The following PELI2 variants were observed in gnomAD, a reference collection of about 807,000 sequenced individuals.
PELI2 encodes E3 ubiquitin-protein ligase pellino homolog 2.
Under a neutral mutation model 42.3 loss-of-function variants are expected in PELI2, and 23 were observed. The observed-to-expected ratio is 0.54, with a 90% confidence interval of 0.39 to 0.77. The LOEUF is 0.77. PELI2 is among the 30% of genes least tolerant of loss of function. The pLI is 0.00. For missense variants in PELI2, 463 were observed against 553.2 expected, an observed-to-expected ratio of 0.84 and a Z score of 1.64; for synonymous variants, 245 against 212.2, an observed-to-expected ratio of 1.15 and a Z score of -1.34.
At chr14:56,203,306 C>T (rs1886401941) in intron 2 of PELI2, among the ~76,000 whole-genome samples, 1 of 152,174 alleles carries the variant, frequency 6.6e-6, no homozygotes, top group Admixed American at 6.5e-5. Context: ...CACCACCTCA[C>T]TCCAGCCTGG....
At chr14:56,152,208 T>A (rs915435550) in intron 1 of PELI2, among the ~76,000 whole-genome samples, 1 of 152,214 alleles carries the variant, frequency 6.6e-6, no homozygotes, top group Non-Finnish European at 1.5e-5. Context: ...TTCCTTCAGA[T>A]GGACAGGTTA....
intron 2 of PELI2, among the ~76,000 whole-genome samples, chr14:56,230,750 A>G (rs148791439): frequency 1.5e-3 from 233 of 152,358 alleles, no homozygotes; most frequent in Middle Eastern, 6.8e-3. Context: ...ACACGTAACA[A>G]TATTAATGTT....
rs1889724254 is a variant in PELI2 at position 56,288,717 on chromosome 14, T to A, written c.507+83T>A. ...AACATTTAATTGGAGCAAAAAAAAA[T>A]TGGCTTTGTATGTTGCCTCTAGTGA... On this transcript the variant is annotated intron_variant, in intron 4 of 5. Transcript: ENST00000267460. The surrounding 1 kb of genome is among the most constrained non-coding windows in gnomAD (Gnocchi z 4.6). 5.7e-5 allele frequency: 48 copies of A among 848,598 alleles called. No homozygotes were observed. Among genetic ancestry groups the A allele is most frequent in the Non-Finnish European group, 7.7e-5 (42 of 547,738 alleles). The allele number at this position is 848,598 out of a possible 1,614,324, so 52.6% of individuals were successfully genotyped here.
chr14:56,121,625 T>A (rs1883061974), intron 1 of PELI2, among the ~76,000 whole-genome samples: 1 of 152,218 alleles, frequency 6.6e-6, no homozygotes, highest in African/African-American at 2.4e-5. Flanking sequence ...GGCTCAGGAT[T>A]TGAGAGGCAG....
Position 56,223,821 on chromosome 14 carries a change from C to CT in PELI2, c.207+45358dup, listed in dbSNP as rs201769500. Among the ~76,000 whole-genome samples, 26 of 152,288 alleles carry CT rather than the reference C, an allele frequency of 1.7e-4. No homozygotes were observed. In the East Asian group the frequency reaches 5.0e-3, roughly 29 times the overall value. On this transcript the variant is annotated intron_variant, in intron 2 of 5. Coordinates refer to ENST00000267460, the MANE Select transcript of PELI2 (RefSeq NM_021255.3). ...TTTTCTAATTTAGGCATCATTCACT[C>CT]TAATTTCATAAGATTTGAATGCAGT...
intron 1 of PELI2, among the ~76,000 whole-genome samples, chr14:56,152,539 C>T (rs1345762534): frequency 6.6e-6 from 1 of 152,104 alleles, no homozygotes; most frequent in African/African-American, 2.4e-5. Flanking sequence ...TGGCCACCAA[C>T]TTACTATAAT....
At position 56,235,638 on chromosome 14, in the gene PELI2, A is replaced by G. The variant is rs183450212; in HGVS notation, c.208-44038A>G. On this transcript the variant is annotated intron_variant, in intron 2 of 5. Coordinates refer to ENST00000267460, the MANE Select transcript of PELI2 (RefSeq NM_021255.3). ...AGTCCAAGCCTGGCCATCCAGGGAT[A>G]TAGTGGTACAAGCAATACTTGTTTG... 1.7e-3 allele frequency among the ~76,000 whole-genome samples: 255 copies of G among 152,372 alleles called. 1 individual carries two copies. The highest frequency in any genetic ancestry group is 6.0e-3 in the African/African-American group (251 of 41,594).
chr14:56,284,246 A>C (rs1011038048), intron 3 of PELI2, among the ~76,000 whole-genome samples: 3 of 152,242 alleles, frequency 2.0e-5, no homozygotes, highest in Non-Finnish European at 2.9e-5. Context: ...ATATAATCAG[A>C]GTAAGATCTT....
intron 2 of PELI2, among the ~76,000 whole-genome samples, chr14:56,260,890 A>G: frequency 6.6e-6 from 1 of 152,156 alleles, no homozygotes; most frequent in East Asian, 1.9e-4. Context: ...GGGAGAGTAA[A>G]GAGATTTGAA....
At chr14:56,212,679 G>A (rs750005153) in intron 2 of PELI2, among the ~76,000 whole-genome samples, 17 of 152,214 alleles carry the variant, frequency 1.1e-4, no homozygotes, top group Non-Finnish European at 1.9e-4. Flanking sequence ...TGCCAAGCTC[G>A]TGTAGCAAGT....
chr14:56,173,852 T>C (rs1372135645), intron 1 of PELI2, among the ~76,000 whole-genome samples: 1 of 152,190 alleles, frequency 6.6e-6, no homozygotes, highest in East Asian at 1.9e-4. Flanking sequence ...TGGGCTTAAT[T>C]ACATCTGCAA....
intron 2 of PELI2, among the ~76,000 whole-genome samples, chr14:56,269,658 A>G (rs553155196): frequency 1.3e-5 from 2 of 152,334 alleles, no homozygotes; most frequent in Non-Finnish European, 2.9e-5. Context: ...CTGAGGCCAG[A>G]GTACTTACGT....
At chr14:56,285,945 A>C (rs896319221) in intron 3 of PELI2, among the ~76,000 whole-genome samples, 2 of 152,178 alleles carry the variant, frequency 1.3e-5, no homozygotes, top group African/African-American at 4.8e-5. Context: ...AAAATACAGA[A>C]TGAGATAAGC....
At chr14:56,156,886 A>G (rs1884586633) in intron 1 of PELI2, among the ~76,000 whole-genome samples, 1 of 152,208 alleles carries the variant, frequency 6.6e-6, no homozygotes, top group Non-Finnish European at 1.5e-5. Context: ...AAATTACCCA[A>G]GAATCTTCTT....
rs368311416 is a variant in PELI2 at position 56,229,550 on chromosome 14, G to A, written c.208-50126G>A. 1.4e-4 allele frequency among the ~76,000 whole-genome samples: 22 copies of A among 152,264 alleles called. 1 individual carries two copies. Among genetic ancestry groups the A allele is most frequent in the Middle Eastern group, 3.4e-3 (1 of 294 alleles). ...AGGGTCCTGACTGTTAGAAGGAAAA[G>A]TAACAAACAGAAAGGACATCCACAC... On this transcript the variant is annotated intron_variant, in intron 2 of 5. Coordinates refer to ENST00000267460, the MANE Select transcript of PELI2 (RefSeq NM_021255.3).
Position 56,220,210 on chromosome 14 carries a change from C to G in PELI2, c.207+41746C>G, listed in dbSNP as rs542151831. On this transcript the variant is annotated intron_variant, in intron 2 of 5. Coordinates refer to ENST00000267460, the MANE Select transcript of PELI2 (RefSeq NM_021255.3). Reference sequence around the variant, plus strand: ...AGCACTGTTGCCAGTGCCCAGGTGACTGCAGTGGGCCACACTGCAGGATTG... The same window carrying G: ...AGCACTGTTGCCAGTGCCCAGGTGAGTGCAGTGGGCCACACTGCAGGATTG... 1.1e-4 allele frequency among the ~76,000 whole-genome samples: 17 copies of G among 152,284 alleles called. No homozygotes were observed. The South Asian group carries it at 3.5e-3, about 32-fold the overall frequency.
intron 2 of PELI2, among the ~76,000 whole-genome samples, chr14:56,252,228 T>C (rs1888371738): frequency 6.6e-6 from 1 of 152,126 alleles, no homozygotes; most frequent in Non-Finnish European, 1.5e-5. Context: ...AAAAGGAGTT[T>C]AGGCCTTTAA....
At chr14:56,246,716 C>T (rs1435843261) in intron 2 of PELI2, among the ~76,000 whole-genome samples, 1 of 152,140 alleles carries the variant, frequency 6.6e-6, no homozygotes, top group African/African-American at 2.4e-5. Flanking sequence ...CTGTAGTACG[C>T]TGGGAAACTA....
In PELI2 at chr14:56,264,692, G is replaced by A. The variant is rs148128751; in HGVS notation, c.208-14984G>A. Among the ~76,000 whole-genome samples, 155 of 152,232 alleles carry A rather than the reference G, an allele frequency of 1.0e-3. 1 individual carries two copies. The highest frequency in any genetic ancestry group is 3.6e-3 in the African/African-American group (151 of 41,556). Reference sequence around the variant, plus strand: ...AAACCCAGTTCTTGGTTAGTGTTTCGTTATAAAGATTATTATGTGATTATT... The same window carrying A: ...AAACCCAGTTCTTGGTTAGTGTTTCATTATAAAGATTATTATGTGATTATT... On this transcript the variant is annotated intron_variant, in intron 2 of 5. Coordinates refer to ENST00000267460, the MANE Select transcript of PELI2 (RefSeq NM_021255.3).
Sources: gnomAD v4.1 joint callset for allele counts (sites outside exome capture counted in the v4.1 genomes callset) on GRCh38, gnomAD v4.1.1 for gene constraint, Gnocchi (gnomAD v3.1) non-coding constraint, MANE v1.5 for transcripts, NCBI Gene and HGNC (gene_info 2026-07-23, HGNC 2026-07-21) for gene names.